Variants in SNAP29 observed in about 807,000 individuals in gnomAD.
The protein encoded by SNAP29 is synaptosomal-associated protein 29.
SNAP29 carries 13 observed loss-of-function variants against 27.9 expected under a neutral mutation model. That is an observed-to-expected ratio of 0.47 (90% CI 0.30 to 0.74). The LOEUF is 0.74. SNAP29 is among the 30% of genes least tolerant of loss of function. The probability of loss-of-function intolerance (pLI) is 0.06; values close to 1 mark genes in which losing one functional copy is unlikely to be tolerated. For synonymous variants in SNAP29, 119 were observed against 127.1 expected, an observed-to-expected ratio of 0.94 and a Z score of 0.43; for missense variants, 368 against 336.5, an observed-to-expected ratio of 1.09 and a Z score of -0.73.
chr22:20,872,820 C>CGTTT (rs1319405165), intron 2 of SNAP29, among the ~76,000 whole-genome samples: 1 of 39,866 alleles, frequency 2.5e-5, no homozygotes, highest in Admixed American at 4.2e-4. Flanking sequence ...CCACGCCAGG[C>CGTTT]TTTTTTTTTT....
rs767264059 is a variant in SNAP29, at chr22:20,887,783, G to C, written c.724G>C (p.Asp242His). ...TCTTGACCGGCTGACAACCAAAGTG[G>C]ACAAGTTAGATGTCAACATAAAAAG... ...DILDRLTTKV[D>H]KLDVNIKSTE... Residue 242 changes from aspartate (D) to histidine (H), a missense_variant, in exon 5 of 5, where the codon GAC becomes CAC. Asp to His is a moderately conservative substitution (Grantham distance 81). Coordinates refer to ENST00000215730, the MANE Select transcript of SNAP29 (RefSeq NM_004782.4). 7 of 1,614,054 alleles carry C rather than the reference G, an allele frequency of 4.3e-6. No individual in the cohort carries two copies. The African/African-American group carries it at 9.3e-5, about 22-fold the overall frequency.
At chr22:20,885,598 G>C (rs1177675334) in intron 4 of SNAP29, among the ~76,000 whole-genome samples, 2 of 152,222 alleles carry the variant, frequency 1.3e-5, no homozygotes, top group Non-Finnish European at 2.9e-5. Flanking sequence ...TGGCAGAAGT[G>C]GGAGAAGGGA....
intron 4 of SNAP29, among the ~76,000 whole-genome samples, chr22:20,884,194 G>T (rs372024071): frequency 6.6e-6 from 1 of 152,032 alleles, no homozygotes; most frequent in Admixed American, 6.6e-5. Context: ...TTAGCCGGGC[G>T]TGGTGGCAGG....
At chr22:20,876,985 C>T (rs1297795033) in intron 2 of SNAP29, among the ~76,000 whole-genome samples, 4 of 152,202 alleles carry the variant, frequency 2.6e-5, no homozygotes, top group Non-Finnish European at 4.4e-5. Context: ...TGCTTGTTCT[C>T]ATTTCCACTT....
At chr22:20,879,627 C>T (rs1221294752) in intron 2 of SNAP29, among the ~76,000 whole-genome samples, 2 of 151,900 alleles carry the variant, frequency 1.3e-5, no homozygotes, top group Non-Finnish European at 2.9e-5. Flanking sequence ...GGGCGGATCA[C>T]CTGAGGTCAG....
At chr22:20,861,118 GTTTTT>G in intron 1 of SNAP29, among the ~76,000 whole-genome samples, 2 of 121,816 alleles carry the variant, frequency 1.6e-5, no homozygotes, top group Middle Eastern at 4.7e-3. Context: ...CCTCCCTGTG[GTTTTT>G]TTTTTTTTTT....
intron 1 of SNAP29, among the ~76,000 whole-genome samples, chr22:20,860,367 TTTTC>T (rs1405565281): frequency 1.6e-4 from 13 of 80,962 alleles, no homozygotes; most frequent in African/African-American, 9.4e-4. Flanking sequence ...GTCTTTTTCT[TTTTC>T]TTTTTTTTTT....
intron 4 of SNAP29, 66 bp downstream of exon 4, chr22:20,883,635 G>A: frequency 2.0e-6 from 2 of 996,644 alleles, no homozygotes; most frequent in African/African-American, 3.2e-5. Flanking sequence ...GCCAAGCATA[G>A]CCCCTGCATG....
At chr22:20,887,350 A>G (rs1403734859) in intron 4 of SNAP29, among the ~76,000 whole-genome samples, 2 of 152,040 alleles carry the variant, frequency 1.3e-5, no homozygotes, top group Non-Finnish European at 1.5e-5. Flanking sequence ...AGGCTTACAA[A>G]GCACCACCTC....
intron 4 of SNAP29, among the ~76,000 whole-genome samples, chr22:20,886,736 C>G (rs567818373): frequency 2.0e-5 from 3 of 152,072 alleles, no homozygotes; most frequent in Admixed American, 6.6e-5. Flanking sequence ...CTCAGCCTCC[C>G]GAGTAGCAGG....
In SNAP29 at chr22:20,889,864, G is replaced by A. The variant is rs563529946; in HGVS notation, c.*2028G>A. ...AGATTAGTGATTCAACTGACTTGAA[G>A]CACAGTAACATCTTATTTTATGCAC... is the stretch of plus-strand genomic sequence containing the variant. On this transcript the variant is annotated 3_prime_UTR_variant, in exon 5 of 5. Coordinates refer to ENST00000215730, the MANE Select transcript of SNAP29 (RefSeq NM_004782.4). 75 of 161,256 alleles carry A rather than the reference G, an allele frequency of 4.7e-4. No individual in the cohort carries two copies. Among genetic ancestry groups the A allele is most frequent in the African/African-American group, 1.8e-3 (74 of 41,972 alleles). 10.0% of individuals were successfully genotyped at this position (161,256 alleles called of 1,614,324 possible). A position where few individuals can be genotyped will look rare whatever the true frequency, so the allele number is the denominator to read the frequency against.
At chr22:20,874,399 A>C (rs1928688013) in intron 2 of SNAP29, among the ~76,000 whole-genome samples, 1 of 140,824 alleles carries the variant, frequency 7.1e-6, no homozygotes. Flanking sequence ...ACACACACGA[A>C]AATTAGCCGG....
chr22:20,889,222 G>A lies in SNAP29; in HGVS notation c.*1386G>A, dbSNP rs1050379412. On this transcript the variant is annotated 3_prime_UTR_variant, in exon 5 of 5. Coordinates refer to ENST00000215730, the MANE Select transcript of SNAP29 (RefSeq NM_004782.4). ...CCATTTCCCAGTACTTCCCTTTACA[G>A]TCTGCAGCCTATAAACAGTGGTGTC... The A allele has an allele frequency of 1.3e-5, 2 of 152,200 alleles. No homozygotes were observed. The highest frequency in any genetic ancestry group is 4.8e-5 in the African/African-American group (2 of 41,452). 9.4% of individuals were successfully genotyped at this position (152,200 alleles called of 1,614,324 possible).
intron 1 of SNAP29, among the ~76,000 whole-genome samples, chr22:20,861,386 T>TA (rs1035995699): frequency 1.3e-5 from 2 of 151,978 alleles, no homozygotes; most frequent in African/African-American, 2.4e-5. Context: ...CCTGGGATTA[T>TA]AGGCGTGAGC....
At chr22:20,875,646 T>C (rs1314928027) in intron 2 of SNAP29, among the ~76,000 whole-genome samples, 1 of 152,150 alleles carries the variant, frequency 6.6e-6, no homozygotes, top group Non-Finnish European at 1.5e-5. Context: ...ATGAAGGAAG[T>C]TGTTGGCCAT....
chr22:20,860,708 G>A (rs1601642891), intron 1 of SNAP29, among the ~76,000 whole-genome samples: 2 of 152,018 alleles, frequency 1.3e-5, no homozygotes, highest in African/African-American at 4.8e-5. Context: ...TCTCTCTTCA[G>A]CCTGCTAATG....
intron 2 of SNAP29, among the ~76,000 whole-genome samples, chr22:20,879,850 TTAAA>T (rs1206306833): frequency 0.017 from 1,560 of 92,100 alleles, 25 homozygotes; most frequent in African/African-American, 0.062. Context: ...CTGAAAAAAT[TTAAA>T]AAAAAAAAAA....
At chr22:20,880,618 T>C (rs935560440) in intron 2 of SNAP29, among the ~76,000 whole-genome samples, 1 of 152,182 alleles carries the variant, frequency 6.6e-6, no homozygotes, top group Non-Finnish European at 1.5e-5. Context: ...GGTTGTTCCA[T>C]GTGCTTTTCA....
At chr22:20,886,012 G>A (rs1030711277) in intron 4 of SNAP29, among the ~76,000 whole-genome samples, 3 of 152,022 alleles carry the variant, frequency 2.0e-5, no homozygotes, top group Non-Finnish European at 2.9e-5. Flanking sequence ...CTGCCAGTGA[G>A]CTTCCTCCTG....
Sources: gnomAD v4.1 joint callset for allele counts (sites outside exome capture counted in the v4.1 genomes callset) on GRCh38, gnomAD v4.1.1 for gene constraint, MANE v1.5 for transcripts, NCBI Gene and HGNC (gene_info 2026-07-23, HGNC 2026-07-21) for gene names.